VRK2: variants seen among roughly 807,000 people sequenced by gnomAD.
VRK2 encodes VRK serine/threonine kinase 2.
VRK2 carries 60 observed loss-of-function variants against 57.6 expected under a neutral mutation model. The ratio of observed to expected loss-of-function variants is 1.04; its 90% CI spans 0.85 to 1.29. The LOEUF (loss-of-function observed/expected upper bound fraction) is 1.29, where lower values mean the gene tolerates loss of function less well. Ranked by LOEUF, VRK2 falls within the 50% of genes most tolerant of loss-of-function variation. VRK2 has a pLI of 0.00. For missense variants in VRK2, 705 were observed against 588.1 expected, an observed-to-expected ratio of 1.20 and a Z score of -2.06; for synonymous variants, 231 against 199.2, an observed-to-expected ratio of 1.16 and a Z score of -1.35.
intron 1 of VRK2, among the ~76,000 whole-genome samples, chr2:57,910,213 G>A (rs1224174972): frequency 6.6e-6 from 1 of 152,028 alleles, no homozygotes; most frequent in African/African-American, 2.4e-5. Context: ...TGCCAGAGCT[G>A]TAACAGCTCC....
chr2:57,955,450 C>T (rs528539374), intron 1 of VRK2, among the ~76,000 whole-genome samples: 19 of 152,134 alleles, frequency 1.2e-4, no homozygotes, highest in Non-Finnish European at 1.0e-4. Context: ...TCAGGAATTA[C>T]ATTAGAAAAC....
Position 57,979,323 on chromosome 2 carries a change from G to A in VRK2, c.-438-46342G>A, listed in dbSNP as rs556668250. 9.9e-5 allele frequency among the ~76,000 whole-genome samples: 15 copies of A among 151,102 alleles called. No homozygotes were observed. The South Asian group carries it at 2.1e-3, about 21-fold the overall frequency. ...CCTATTTCTCCATAGCCTGGCCAGC[G>A]TCTATTGTTTCCTGACTTTTTACTA... On this transcript the variant is annotated intron_variant, in intron 1 of 15. Transcript: ENST00000417641.
At chr2:57,997,704 A>C (rs974377724) in intron 1 of VRK2, among the ~76,000 whole-genome samples, 13 of 152,176 alleles carry the variant, frequency 8.5e-5, no homozygotes, top group African/African-American at 3.1e-4. Flanking sequence ...GCAGTTTGAG[A>C]CCAGCCTGGG....
Position 58,134,721 on chromosome 2 carries a change from C to T in VRK2, c.798-420C>T, listed in dbSNP as rs541411535. ...CCTTTTGTCCAGTCACATTCCTACA[C>T]AGCTGTCTATTCTTCATCAAACCTA... On this transcript the variant is annotated intron_variant, in intron 9 of 12. Coordinates refer to ENST00000340157, the MANE Select transcript of VRK2 (RefSeq NM_006296.7). 3.9e-5 allele frequency among the ~76,000 whole-genome samples: 6 copies of T among 152,028 alleles called. No individual in the cohort carries two copies. The East Asian group carries it at 1.2e-3, about 29-fold the overall frequency.
chr2:58,078,089 C>A (rs1185589410), intron 2 of VRK2, among the ~76,000 whole-genome samples: 2 of 152,032 alleles, frequency 1.3e-5, no homozygotes, highest in African/African-American at 4.8e-5. Context: ...TGCAGCAGAT[C>A]TCCAGAATGT....
chr2:57,972,405 T>A (rs979522047), intron 1 of VRK2, among the ~76,000 whole-genome samples: 12 of 151,900 alleles, frequency 7.9e-5, no homozygotes, highest in African/African-American at 2.9e-4. Flanking sequence ...ATTTGCTTTA[T>A]CTTACTATAC....
intron 1 of VRK2, among the ~76,000 whole-genome samples, chr2:57,938,559 T>C (rs2717030): frequency 0.32 from 47,949 of 152,038 alleles, 8,312 homozygotes; most frequent in East Asian, 0.42. Context: ...ATCAGATTGA[T>C]GCTGATTGAA....
At chr2:58,096,845 A>G (rs1244565828) in intron 7 of VRK2, among the ~76,000 whole-genome samples, 1 of 151,566 alleles carries the variant, frequency 6.6e-6, no homozygotes, top group Non-Finnish European at 1.5e-5. Flanking sequence ...TTATTGTTTT[A>G]TATTATATCT....
intron 2 of VRK2, among the ~76,000 whole-genome samples, chr2:58,057,695 G>T (rs1572883707): frequency 6.6e-6 from 1 of 152,188 alleles, no homozygotes; most frequent in East Asian, 1.9e-4. Context: ...ATAAATTATT[G>T]GGATTTCTTT....
rs1365656890 is a variant in VRK2 at position 57,965,808 on chromosome 2, G to A, written c.-439+57969G>A. Among the ~76,000 whole-genome samples, 9 of 152,096 alleles carry A rather than the reference G, an allele frequency of 5.9e-5. No homozygotes were observed. In the East Asian group the frequency reaches 1.7e-3, roughly 29 times the overall value. ...TGAGGTGATCCAATATAGAGGCCCTGTCAGCATTGTGACCAGCCAGACTTC... is the reference window on the plus strand; with the variant it reads ...TGAGGTGATCCAATATAGAGGCCCTATCAGCATTGTGACCAGCCAGACTTC... On this transcript the variant is annotated intron_variant, in intron 1 of 15. Coordinates refer to the VRK2 transcript ENST00000417641.
At chr2:58,043,662 C>G (rs1299835075), upstream of VRK2, among the ~76,000 whole-genome samples, 1 of 152,014 alleles carries the variant, frequency 6.6e-6, no homozygotes, top group Non-Finnish European at 1.5e-5. Flanking sequence ...AATTTATTTC[C>G]AGTTTTGGCT....
chr2:58,068,940 T>C (rs1669008656), intron 2 of VRK2, among the ~76,000 whole-genome samples: 1 of 152,156 alleles, frequency 6.6e-6, no homozygotes, highest in Non-Finnish European at 1.5e-5. Flanking sequence ...AAAGTGTTTG[T>C]CTTTATTTAT....
rs542615546 is a variant in VRK2, at chr2:58,023,443, T to C, written c.-438-2222T>C. On this transcript the variant is annotated intron_variant, in intron 1 of 15. Transcript: ENST00000417641. ...ATTGTCAATGGACCCTTTGGTTGCT[T>C]CTTGGCTTTTGTGAGTAATGTTGCT... 2.6e-5 allele frequency among the ~76,000 whole-genome samples: 4 copies of C among 152,322 alleles called. No individual in the cohort carries two copies. In the East Asian group the frequency reaches 7.7e-4, roughly 29 times the overall value.
intron 1 of VRK2, among the ~76,000 whole-genome samples, chr2:57,911,801 A>G (rs1669994283): frequency 6.6e-6 from 1 of 152,192 alleles, no homozygotes; most frequent in African/African-American, 2.4e-5. Flanking sequence ...CTGAAATCTG[A>G]TTTCCAAGAA....
intron 1 of VRK2, among the ~76,000 whole-genome samples, chr2:57,972,558 T>C (rs1180067668): frequency 2.0e-5 from 3 of 151,890 alleles, no homozygotes; most frequent in African/African-American, 4.8e-5. Context: ...CTTGGAGTGA[T>C]TAGTTTCTGG....
chr2:58,120,093 G>T (rs1214269738), intron 7 of VRK2, among the ~76,000 whole-genome samples: 2 of 151,380 alleles, frequency 1.3e-5, no homozygotes, highest in Admixed American at 1.3e-4. Context: ...ATGTTTTTAG[G>T]TCTGAAATAC....
At chr2:58,009,039 C>T (rs948205150) in intron 1 of VRK2, among the ~76,000 whole-genome samples, 1 of 152,076 alleles carries the variant, frequency 6.6e-6, no homozygotes, top group African/African-American at 2.4e-5. Context: ...CAACTAATTC[C>T]ATTCACAAGG....
chr2:58,146,406 T>A lies in VRK2; in HGVS notation c.1114T>A (p.Ser372Thr), dbSNP rs1305636315. 4 of 1,611,642 alleles carry A rather than the reference T, an allele frequency of 2.5e-6. No homozygotes were observed. Among genetic ancestry groups the A allele is most frequent in the Non-Finnish European group, 2.5e-6 (3 of 1,178,474 alleles). The change falls in exon 12 of 13, where the codon TCC becomes ACC. Residue 372 changes from serine to threonine, a missense_variant. Physicochemically the swap from Ser to Thr is moderately conservative, Grantham distance 58. Transcript: ENST00000340157. ...KKVHSERSAE[S>T]CATWKVQKEE... ...AGTCCACAGTGAGAGAAGCGCTGAG[T>A]CCTGTGCAACATGGAAAGTGCAGAA...
chr2:58,013,140 T>C (rs1013576391), intron 1 of VRK2, among the ~76,000 whole-genome samples: 5 of 152,210 alleles, frequency 3.3e-5, no homozygotes, highest in Non-Finnish European at 7.4e-5. Context: ...AACAAAAATC[T>C]ATTGAAGTTT....
Sources: allele counts gnomAD v4.1 joint callset (sites outside exome capture counted in the v4.1 genomes callset), GRCh38; gene constraint gnomAD v4.1.1; transcripts MANE v1.5; gene names NCBI Gene and HGNC (gene_info 2026-07-23, HGNC 2026-07-21).